ANO3: variants seen among roughly 807,000 people sequenced by gnomAD.
ANO3 encodes anoctamin-3.
A neutral mutation model predicts 144.8 loss-of-function variants in ANO3; 99 were observed. That is an observed-to-expected ratio of 0.68 (90% CI 0.58 to 0.81). ANO3 has a LOEUF of 0.81. Ranked by LOEUF, ANO3 falls within the 30% of genes least tolerant of loss-of-function variation. The probability of loss-of-function intolerance (pLI) is 0.00; values close to 1 mark genes in which losing one functional copy is unlikely to be tolerated. For synonymous variants in ANO3, 414 were observed against 392.6 expected (o/e 1.05, Z -0.64); for missense variants, 905 against 1,202.2 (o/e 0.75, Z 3.66).
At chr11:26,358,411 C>T (rs1472845536) in intron 1 of ANO3, among the ~76,000 whole-genome samples, 2 of 152,110 alleles carry the variant, frequency 1.3e-5, no homozygotes, top group African/African-American at 4.8e-5. Context: ...ACCTCGTGAT[C>T]CACCTGCGTC....
intron 12 of ANO3, among the ~76,000 whole-genome samples, chr11:26,552,813 T>C (rs777176497): frequency 3.3e-5 from 5 of 152,090 alleles, no homozygotes; most frequent in Non-Finnish European, 5.9e-5. Context: ...CAACAATATG[T>C]ACTGCAGTGG....
At chr11:26,424,252 CCCA>C (rs1408604921) in intron 1 of ANO3, among the ~76,000 whole-genome samples, 2 of 142,722 alleles carry the variant, frequency 1.4e-5, no homozygotes, top group Non-Finnish European at 1.5e-5. Context: ...AATCTCCCCC[CCCA>C]CACACACACA....
At chr11:26,234,017 C>T (rs1852461122) in intron 1 of ANO3, among the ~76,000 whole-genome samples, 1 of 152,056 alleles carries the variant, frequency 6.6e-6, no homozygotes, top group Non-Finnish European at 1.5e-5. Context: ...ACCTAGATGA[C>T]AGGTTGATAG....
chr11:26,295,231 A>G (rs376084737), intron 1 of ANO3, among the ~76,000 whole-genome samples: 84 of 152,114 alleles, frequency 5.5e-4, no homozygotes, highest in African/African-American at 2.0e-3. Flanking sequence ...TCATTTTCTA[A>G]CACATTATTT....
chr11:26,310,155 A>C (rs1338028124), intron 1 of ANO3, among the ~76,000 whole-genome samples: 1 of 152,236 alleles, frequency 6.6e-6, no homozygotes, highest in East Asian at 1.9e-4. Context: ...ATATATGTGC[A>C]AAGATAGCTA....
At chr11:26,238,009 G>A (rs1852573484) in intron 1 of ANO3, among the ~76,000 whole-genome samples, 2 of 152,078 alleles carry the variant, frequency 1.3e-5, no homozygotes, top group Non-Finnish European at 2.9e-5. Context: ...CAGACTGTTA[G>A]ACAAACTGTG....
intron 14 of ANO3, among the ~76,000 whole-genome samples, chr11:26,570,729 A>G (rs948364272): frequency 6.6e-6 from 1 of 152,162 alleles, no homozygotes; most frequent in Non-Finnish European, 1.5e-5. Flanking sequence ...TTGTCTCTCA[A>G]AGAAAACTCT....
intron 15 of ANO3, 86 bp downstream of exon 15, chr11:26,598,533 A>C (rs1161803637): frequency 1.1e-6 from 1 of 926,802 alleles, no homozygotes; most frequent in Non-Finnish European, 1.7e-6. Flanking sequence ...GGCTGGAAGC[A>C]GTTAACCACC....
At chr11:26,341,443 G>A (rs1281553123) in intron 1 of ANO3, among the ~76,000 whole-genome samples, 1 of 152,128 alleles carries the variant, frequency 6.6e-6, no homozygotes, top group Admixed American at 6.5e-5. Flanking sequence ...AGTTTCTTTA[G>A]TTATGAAAAC....
chr11:26,635,924 C>T (rs553476435), intron 20 of ANO3, among the ~76,000 whole-genome samples: 3 of 152,186 alleles, frequency 2.0e-5, no homozygotes, highest in East Asian at 1.9e-4. Context: ...CTTGCCTGGC[C>T]CTGTGGCTCA....
At chr11:26,569,540 C>A (rs1364687255) in intron 14 of ANO3, among the ~76,000 whole-genome samples, 1 of 151,954 alleles carries the variant, frequency 6.6e-6, no homozygotes, top group Non-Finnish European at 1.5e-5. Flanking sequence ...ATTCAGAACC[C>A]CACCATGAAA....
chr11:26,462,657 G>A (rs1859453624), intron 3 of ANO3, among the ~76,000 whole-genome samples: 2 of 151,742 alleles, frequency 1.3e-5, no homozygotes, highest in East Asian at 3.9e-4. Flanking sequence ...TTTTAATTAA[G>A]CAAATAAATG....
At chr11:26,378,585 T>C (rs1856483102) in intron 1 of ANO3, among the ~76,000 whole-genome samples, 1 of 151,870 alleles carries the variant, frequency 6.6e-6, no homozygotes, top group Non-Finnish European at 1.5e-5. Context: ...AAATGGTAAA[T>C]GTAATAGAAA....
chr11:26,430,420 T>C (rs893402930), intron 1 of ANO3, among the ~76,000 whole-genome samples: 2 of 152,062 alleles, frequency 1.3e-5, no homozygotes, highest in Non-Finnish European at 2.9e-5. Context: ...AAAGAAAACA[T>C]AACTAAAATT....
intron 4 of ANO3, among the ~76,000 whole-genome samples, chr11:26,475,769 T>A (rs1460096792): frequency 2.0e-5 from 3 of 152,122 alleles, no homozygotes; most frequent in African/African-American, 7.2e-5. Flanking sequence ...AATAAAATTA[T>A]CCTTGGACTT....
At chr11:26,357,373 T>C (rs1855808924) in intron 1 of ANO3, among the ~76,000 whole-genome samples, 1 of 152,216 alleles carries the variant, frequency 6.6e-6, no homozygotes, top group Admixed American at 6.5e-5. Flanking sequence ...CTTTATAAAC[T>C]CACTCACTAC....
intron 3 of ANO3, among the ~76,000 whole-genome samples, chr11:26,453,238 T>G (rs1267425725): frequency 6.6e-6 from 1 of 151,980 alleles, no homozygotes; most frequent in Non-Finnish European, 1.5e-5. Context: ...AATATTAACT[T>G]TAAATGTAAA....
intron 1 of ANO3, among the ~76,000 whole-genome samples, chr11:26,300,925 C>CACCTCT (rs1564955763): frequency 1.4e-5 from 2 of 146,570 alleles, no homozygotes; most frequent in African/African-American, 5.3e-5. Context: ...GCAATTTCCA[C>CACCTCT]TCACTGCCAC....
intron 1 of ANO3, among the ~76,000 whole-genome samples, chr11:26,219,402 T>G (rs951772577): frequency 6.6e-5 from 10 of 152,192 alleles, no homozygotes; most frequent in African/African-American, 2.4e-4. Flanking sequence ...GTACTTGGTG[T>G]TTGTTTTATT....
Sources: allele counts gnomAD v4.1 joint callset (sites outside exome capture counted in the v4.1 genomes callset), GRCh38; gene constraint gnomAD v4.1.1; transcripts MANE v1.5; gene names NCBI Gene and HGNC (gene_info 2026-07-23, HGNC 2026-07-21).